Variants in NF1 observed in about 807,000 individuals in gnomAD.
The protein encoded by NF1 is neurofibromin 1.
Under a neutral mutation model 325.7 loss-of-function variants are expected in NF1, and 122 were observed. The observed-to-expected ratio is 0.37, with a 90% CI of 0.32 to 0.44. The LOEUF (loss-of-function observed/expected upper bound fraction) is 0.44. NF1 is among the 20% of genes least tolerant of loss of function. The probability of loss-of-function intolerance (pLI) is 1.00; values close to 1 mark genes in which losing one functional copy is unlikely to be tolerated. For missense variants in NF1, 2,140 were observed against 3,415.4 expected, an observed-to-expected ratio of 0.63 and a Z score of 9.31; for synonymous variants, 1,091 against 1,186.0, an observed-to-expected ratio of 0.92 and a Z score of 1.65.
chr17:31,238,237 A>G (rs910606211), intron 29 of NF1, among the ~76,000 whole-genome samples: 1 of 150,286 alleles, frequency 6.7e-6, no homozygotes, highest in Non-Finnish European at 1.5e-5. Flanking sequence ...TCAGGCTCTC[A>G]TGGTGAAGAT....
chr17:31,160,475 C>A (rs773702761), intron 3 of NF1, among the ~76,000 whole-genome samples: 1 of 152,124 alleles, frequency 6.6e-6, no homozygotes, highest in African/African-American at 2.4e-5. Flanking sequence ...TACTTAAAAT[C>A]GAAGGTGAGC....
intron 36 of NF1, among the ~76,000 whole-genome samples, chr17:31,310,781 T>A (rs1053431297): frequency 3.9e-5 from 6 of 152,148 alleles, no homozygotes; most frequent in Non-Finnish European, 7.3e-5. Flanking sequence ...TATGCCGGTT[T>A]TTACTCATTA....
chr17:31,203,985 T>C (rs2066576469), intron 11 of NF1, among the ~76,000 whole-genome samples: 2 of 152,116 alleles, frequency 1.3e-5, no homozygotes, highest in African/African-American at 4.8e-5. Context: ...CTTATTATAA[T>C]GCAGGTTCCT....
chr17:31,294,798 A>G (rs2068425815), intron 36 of NF1: 2 of 615,420 alleles, frequency 3.2e-6, no homozygotes, highest in Non-Finnish European at 5.7e-6. Flanking sequence ...TAGTTTACTT[A>G]ATTAAGACAG....
intron 12 of NF1, among the ~76,000 whole-genome samples, chr17:31,212,524 A>G (rs1360423882): frequency 6.6e-6 from 1 of 152,230 alleles, no homozygotes; most frequent in East Asian, 1.9e-4. Context: ...CCTGGCCAAC[A>G]TGGCAAAACC....
chr17:31,217,873 G>C (rs945725862), intron 13 of NF1, among the ~76,000 whole-genome samples: 3 of 150,118 alleles, frequency 2.0e-5, no homozygotes, highest in Admixed American at 2.0e-4. Flanking sequence ...GCTGAGGCAG[G>C]AGAATCGGTT....
intron 57 of NF1, among the ~76,000 whole-genome samples, chr17:31,367,501 G>A (rs1184341154): frequency 2.6e-5 from 4 of 152,114 alleles, no homozygotes; most frequent in Non-Finnish European, 5.9e-5. Flanking sequence ...TACCCACCCA[G>A]AACAATGAAG....
intron 8 of NF1, among the ~76,000 whole-genome samples, chr17:31,196,096 C>T (rs1203466676): frequency 6.6e-6 from 1 of 151,890 alleles, no homozygotes; most frequent in South Asian, 2.1e-4. Context: ...ATAATACTTA[C>T]ATATTTTGTA....
At chr17:31,322,123 AC>A (rs1597825393) in intron 36 of NF1, among the ~76,000 whole-genome samples, 2 of 145,014 alleles carry the variant, frequency 1.4e-5, no homozygotes, top group East Asian at 4.0e-4. Flanking sequence ...ACACACACAC[AC>A]ACACAACTGT....
rs1327928283 is a variant in NF1, at chr17:31,376,702, A to G, written c.*2547A>G. On this transcript the variant is annotated 3_prime_UTR_variant, in exon 58 of 58. Transcript: ENST00000358273. ...CTGCGTAATTGACATAAGTTCTGTT[A>G]AAAATATTATAAGTAATTCGTTTCG... 12 of 232,930 alleles carry G rather than the reference A, an allele frequency of 5.2e-5. No homozygotes were observed. Among genetic ancestry groups the G allele is most frequent in the Non-Finnish European group, 1.0e-4 (12 of 117,960 alleles). The allele number at this position is 232,930 out of a possible 1,614,324, so 14.4% of individuals were successfully genotyped here. A position where few individuals can be genotyped will look rare whatever the true frequency, so the allele number is the denominator to read the frequency against.
chr17:31,221,795 C>T lies in NF1; in HGVS notation c.1642-55C>T, dbSNP rs141280989. On this transcript the variant is annotated intron_variant, in intron 14 of 57. Transcript: ENST00000358273. ...AATAAGTACTCCAGTGTTATGTTTACCAAAAATGTTTGAGTGAGTCTTCTC... is the reference window on the plus strand; with the variant it reads ...AATAAGTACTCCAGTGTTATGTTTATCAAAAATGTTTGAGTGAGTCTTCTC... 2.3e-5 allele frequency: 29 copies of T among 1,276,146 alleles called. No homozygotes were observed. In the African/African-American group the frequency reaches 3.5e-4, roughly 15 times the overall value. 79.1% of individuals were successfully genotyped at this position (1,276,146 alleles called of 1,614,324 possible). A position where few individuals can be genotyped will look rare whatever the true frequency, so the allele number is the denominator to read the frequency against.
intron 36 of NF1, chr17:31,318,794 A>T: frequency 6.2e-7 from 1 of 1,613,996 alleles, no homozygotes; most frequent in Admixed American, 1.7e-5. Context: ...ATGTTTGTAG[A>T]ATTACCTTTA....
rs961715109 is a variant in NF1 at position 31,250,149 on chromosome 17, C to G, written c.4110+1030C>G. 1.9e-4 allele frequency: 66 copies of G among 348,218 alleles called. 1 individual carries two copies. Among genetic ancestry groups the G allele is most frequent in the South Asian group, 1.1e-3 (41 of 36,964 alleles). The allele number at this position is 348,218 out of a possible 1,614,324, so 21.6% of individuals were successfully genotyped here. On this transcript the variant is annotated intron_variant, in intron 30 of 57. Transcript: ENST00000358273. Reference sequence around the variant, plus strand: ...CGGTATACATAGATGATAAAACATACTTAACCTTGTCTCTCTTAATTTATC... The same window carrying G: ...CGGTATACATAGATGATAAAACATAGTTAACCTTGTCTCTCTTAATTTATC...
chr17:31,130,333 C>G (rs1341122813), intron 1 of NF1, among the ~76,000 whole-genome samples: 1 of 152,090 alleles, frequency 6.6e-6, no homozygotes, highest in Non-Finnish European at 1.5e-5. Context: ...GTGGGTTGTG[C>G]CAGCCAAAGT....
chr17:31,248,908 G>A, intron 29 of NF1, 76 bp from the exon 30 acceptor site: 1 of 1,439,850 alleles, frequency 6.9e-7, no homozygotes, highest in Non-Finnish European at 9.7e-7. Context: ...GTCTGTATAA[G>A]AGTCTCTTTT....
At chr17:31,320,359 A>AG in intron 36 of NF1, 2 of 1,547,926 alleles carry the variant, frequency 1.3e-6, no homozygotes, top group South Asian at 1.2e-5. Context: ...AAAAAAAAAA[A>AG]GGCAGATTCT....
chr17:31,221,802 T>TAAAC, intron 14 of NF1, 48 bp from the exon 15 acceptor site: 1 of 1,355,178 alleles, frequency 7.4e-7, no homozygotes, highest in Admixed American at 1.7e-5. Context: ...TTACCAAAAA[T>TAAAC]GTTTGAGTGA....
At chr17:31,264,310 C>T (rs1254944216) in intron 35 of NF1, among the ~76,000 whole-genome samples, 5 of 151,636 alleles carry the variant, frequency 3.3e-5, no homozygotes, top group Non-Finnish European at 7.4e-5. Context: ...ACTTGGGAGG[C>T]CAAGGCAGGA....
chr17:31,358,973 T>C lies in NF1; in HGVS notation c.8118T>C (p.Phe2706=), dbSNP rs1481712330. ...GTAAAATTTGATTTGTTGCAGGTTT[T>C]GGTTTTAATGGCTTGTGGCGGTTTG... ...PQYQTSYLQS[F]GFNGLWRFAG... The change falls in exon 56 of 58, where the codon TTT becomes TTC. Residue 2706 remains phenylalanine, a synonymous_variant. Transcript: ENST00000358273. 1.2e-6 allele frequency: 2 copies of C among 1,613,832 alleles called. No individual in the cohort carries two copies. Among genetic ancestry groups the C allele is most frequent in the African/African-American group, 1.3e-5 (1 of 75,062 alleles).
Sources: allele counts gnomAD v4.1 joint callset (sites outside exome capture counted in the v4.1 genomes callset), GRCh38; gene constraint gnomAD v4.1.1; transcripts MANE v1.5; gene names NCBI Gene and HGNC (gene_info 2026-07-23, HGNC 2026-07-21).